Variants in L3MBTL4 observed in about 807,000 individuals in gnomAD.
L3MBTL4 encodes the protein L3MBTL histone methyl-lysine binding protein 4, also known as lethal(3)malignant brain tumor-like protein 4.
L3MBTL4 carries 70 observed loss-of-function variants against 84.5 expected under a neutral mutation model. The observed-to-expected ratio is 0.83, with a 90% CI of 0.68 to 1.01. The LOEUF (loss-of-function observed/expected upper bound fraction) is 1.01, where lower values mean the gene tolerates loss of function less well. Ranked by LOEUF, L3MBTL4 falls within the 50% of genes least tolerant of loss-of-function variation. The pLI, the probability that L3MBTL4 is intolerant of heterozygous loss-of-function variation, is 0.00. For synonymous variants in L3MBTL4, 274 were observed against 259.8 expected, an observed-to-expected ratio of 1.05 and a Z score of -0.52; for missense variants, 715 against 754.8, an observed-to-expected ratio of 0.95 and a Z score of 0.62.
At chr18:6,117,323 G>A (rs941678097) in intron 14 of L3MBTL4, among the ~76,000 whole-genome samples, 1 of 152,214 alleles carries the variant, frequency 6.6e-6, no homozygotes, top group African/African-American at 2.4e-5. Context: ...TTTCAGCAAA[G>A]TAGGAGCTGA....
intron 12 of L3MBTL4, among the ~76,000 whole-genome samples, chr18:6,178,543 T>C (rs2044325713): frequency 6.6e-6 from 1 of 152,210 alleles, no homozygotes; most frequent in Non-Finnish European, 1.5e-5. Context: ...ATTTCATACA[T>C]TTATTATTTT....
chr18:5,987,146 G>A (rs906923690), intron 16 of L3MBTL4, among the ~76,000 whole-genome samples: 7 of 152,202 alleles, frequency 4.6e-5, no homozygotes, highest in Admixed American at 4.6e-4. Flanking sequence ...CCTCATCAGT[G>A]CTTGTAGGAG....
intron 16 of L3MBTL4, among the ~76,000 whole-genome samples, chr18:6,054,208 T>A (rs1568039782): frequency 6.6e-6 from 1 of 152,100 alleles, no homozygotes; most frequent in Non-Finnish European, 1.5e-5. Flanking sequence ...GCCTGCATCG[T>A]CACAATTTTT....
rs565798942 is a variant in L3MBTL4 at position 6,387,943 on chromosome 18, T to C, written c.-91+26858A>G. 9.2e-5 allele frequency among the ~76,000 whole-genome samples: 14 copies of C among 152,234 alleles called. No homozygotes were observed. The South Asian group carries it at 2.9e-3, about 32-fold the overall frequency. On this transcript the variant is annotated intron_variant, in intron 1 of 18. Transcript: ENST00000317931. The stretch of plus-strand genomic sequence containing the variant: ...AAGTGTATAAAAGTTGATTAAGAAG[T>C]CACAGAGGTATAGACACACTATCTA...
At chr18:5,971,260 G>A (rs900578273) in intron 16 of L3MBTL4, among the ~76,000 whole-genome samples, 2 of 152,204 alleles carry the variant, frequency 1.3e-5, no homozygotes, top group Non-Finnish European at 2.9e-5. Flanking sequence ...CCCGGAGTGG[G>A]AAAGTCACAG....
intron 12 of L3MBTL4, among the ~76,000 whole-genome samples, chr18:6,200,707 C>T (rs1404337620): frequency 2.0e-5 from 3 of 152,196 alleles, no homozygotes; most frequent in Admixed American, 6.5e-5. Flanking sequence ...TAAAATAATA[C>T]ATGATTTAAA....
intron 16 of L3MBTL4, among the ~76,000 whole-genome samples, chr18:6,050,315 G>A (rs937299451): frequency 1.3e-5 from 2 of 152,098 alleles, no homozygotes; most frequent in African/African-American, 4.8e-5. Context: ...TCAGGGAAAC[G>A]CTTTAGGACC....
intron 12 of L3MBTL4, among the ~76,000 whole-genome samples, chr18:6,198,449 G>T (rs557112990): frequency 6.6e-6 from 1 of 152,218 alleles, no homozygotes; most frequent in East Asian, 1.9e-4. Context: ...GAAGTCTTTT[G>T]TCTTATTTCT....
chr18:6,330,736 T>C (rs1311409674), intron 1 of L3MBTL4, among the ~76,000 whole-genome samples: 3 of 152,258 alleles, frequency 2.0e-5, no homozygotes, highest in African/African-American at 7.2e-5. Flanking sequence ...TGAAAGTGTT[T>C]TTAAAACTTC....
At chr18:6,408,716 C>A (rs1290201021) in intron 1 of L3MBTL4, among the ~76,000 whole-genome samples, 2 of 150,310 alleles carry the variant, frequency 1.3e-5, no homozygotes, top group African/African-American at 4.9e-5. Flanking sequence ...GAGTCTCGCT[C>A]TGTCACCTAG....
chr18:6,413,530 G>A (rs1312919241), intron 1 of L3MBTL4, among the ~76,000 whole-genome samples: 2 of 152,158 alleles, frequency 1.3e-5, no homozygotes, highest in Non-Finnish European at 2.9e-5. Context: ...CAACTCTACT[G>A]TACCCACCAC....
chr18:6,076,462 A>G (rs2143079006), intron 16 of L3MBTL4, among the ~76,000 whole-genome samples: 1 of 152,332 alleles, frequency 6.6e-6, no homozygotes, highest in South Asian at 2.1e-4. Context: ...TAGGGGTCAG[A>G]AGCTTGAGGT....
chr18:6,018,201 A>G (rs2055087263), intron 16 of L3MBTL4, among the ~76,000 whole-genome samples: 1 of 152,180 alleles, frequency 6.6e-6, no homozygotes, highest in African/African-American at 2.4e-5. Flanking sequence ...GTGCAGCAGG[A>G]GAGGAAGCTG....
chr18:6,276,035 A>G (rs1162158891), intron 4 of L3MBTL4, among the ~76,000 whole-genome samples: 8 of 152,228 alleles, frequency 5.3e-5, no homozygotes, highest in Admixed American at 2.0e-4. Context: ...ACTCAAAGTC[A>G]TCCCTCTGCT....
chr18:6,351,798 G>A (rs879744259), intron 1 of L3MBTL4, among the ~76,000 whole-genome samples: 8 of 151,910 alleles, frequency 5.3e-5, no homozygotes, highest in East Asian at 1.9e-4. Flanking sequence ...TGATCCGCCC[G>A]CCTCAGCCTC....
chr18:6,302,990 C>CAA lies in L3MBTL4; in HGVS notation c.73-1035_73-1034dup, dbSNP rs142760512. Among the ~76,000 whole-genome samples the CAA allele has an allele frequency of 2.4e-4, 35 of 148,724 alleles. 1 individual carries two copies. Among genetic ancestry groups the CAA allele is most frequent in the African/African-American group, 5.9e-4 (24 of 40,586 alleles). ...TGGGTGGCAGAGTGAGATTCTGTCT[C>CAA]AAAAAAAAAATTGTAATAATTATGT... On this transcript the variant is annotated intron_variant, in intron 3 of 18. Transcript: ENST00000317931.
In L3MBTL4 at chr18:6,214,544, C is replaced by T. The variant is rs148433539; in HGVS notation, c.870+1206G>A. 2.2e-3 allele frequency among the ~76,000 whole-genome samples: 336 copies of T among 152,286 alleles called. 1 individual carries two copies. The highest frequency in any genetic ancestry group is 3.4e-3 in the Middle Eastern group (1 of 294). The stretch of plus-strand genomic sequence containing the variant: ...CAGAAATGGCAAAAGGAAAATAAAA[C>T]CCAACTAATATGTCAGTAATAAACA... On this transcript the variant is annotated intron_variant, in intron 11 of 18. Transcript: ENST00000317931.
intron 4 of L3MBTL4, among the ~76,000 whole-genome samples, chr18:6,278,287 G>C (rs2049175230): frequency 6.6e-6 from 1 of 152,004 alleles, no homozygotes. Context: ...GCAAAGAATG[G>C]AAGTTAAATT....
intron 14 of L3MBTL4, among the ~76,000 whole-genome samples, chr18:6,125,306 AGTTAT>A (rs2059656845): frequency 1.3e-5 from 2 of 152,240 alleles, no homozygotes; most frequent in South Asian, 2.1e-4. Flanking sequence ...CATATGTACA[AGTTAT>A]GTTATAATTT....
Sources: allele counts gnomAD v4.1 joint callset (sites outside exome capture counted in the v4.1 genomes callset), GRCh38; gene constraint gnomAD v4.1.1; transcripts MANE v1.5; gene names NCBI Gene and HGNC (gene_info 2026-07-23, HGNC 2026-07-21).